R3HDML: variants seen among roughly 807,000 people sequenced by gnomAD.
R3HDML encodes the protein peptidase inhibitor R3HDML.
R3HDML carries 21 observed loss-of-function variants against 24.2 expected under a neutral mutation model. That is an observed-to-expected ratio of 0.87 (90% CI 0.62 to 1.25). R3HDML has a LOEUF of 1.25. Among genes scored for constraint, R3HDML ranks in the 50% most tolerant of loss-of-function variants. R3HDML has a pLI of 0.00. For missense variants in R3HDML, 301 were observed against 340.3 expected (o/e 0.88, Z 0.91); for synonymous variants, 133 against 131.5 (o/e 1.01, Z -0.08).
intron 2 of R3HDML, among the ~76,000 whole-genome samples, chr20:44,341,804 G>A (rs1281356237): frequency 6.6e-6 from 1 of 152,180 alleles, no homozygotes; most frequent in Non-Finnish European, 1.5e-5. Context: ...AGAATCACTT[G>A]AACCTGGGAG....
intron 4 of R3HDML, among the ~76,000 whole-genome samples, chr20:44,349,170 TA>T (rs2062801051): frequency 6.6e-6 from 1 of 150,838 alleles, no homozygotes. Flanking sequence ...TAAAATAAAA[TA>T]AAATAAAATA....
chr20:44,348,040 C>CCA (rs1568678271), intron 4 of R3HDML, among the ~76,000 whole-genome samples: 2 of 149,218 alleles, frequency 1.3e-5, no homozygotes, highest in African/African-American at 5.0e-5. Context: ...TCACAGCTCA[C>CCA]GGCAGCCTCA....
intron 3 of R3HDML, 105 bp from the exon 4 acceptor site, chr20:44,345,158 C>G: frequency 1.2e-6 from 1 of 845,200 alleles, no homozygotes; most frequent in South Asian, 1.4e-5. Flanking sequence ...AACAGGCAGA[C>G]TGTCTCTCCC....
In R3HDML at chr20:44,341,171, A is replaced by G. The variant is rs41280256; in HGVS notation, c.262-25A>G. ...GACGATGGTGGCAATTCCCCTGGGG[A>G]ATTTCATTGCCTTTCTTTCCCCAGG... On this transcript the variant is annotated intron_variant, in intron 1 of 4. Coordinates refer to ENST00000217043, the MANE Select transcript of R3HDML (RefSeq NM_178491.4). The G allele has an allele frequency of 3.0e-3, 4,743 of 1,583,680 alleles. 16 individuals carry two copies. The highest frequency in any genetic ancestry group is 5.4e-3 in the Middle Eastern group (31 of 5,752).
At chr20:44,338,262 A>G (rs1177803639) in intron 1 of R3HDML, among the ~76,000 whole-genome samples, 1 of 152,130 alleles carries the variant, frequency 6.6e-6, no homozygotes, top group Non-Finnish European at 1.5e-5. Flanking sequence ...TAACTTTTTC[A>G]TCGTATCCAT....
Position 44,350,911 on chromosome 20 carries a change from T to A in R3HDML, c.*119T>A. On this transcript the variant is annotated 3_prime_UTR_variant, in exon 5 of 5. Transcript: ENST00000217043. ...GGATATGAGTTAGAATCACCCCCTG[T>A]TGAATTTTCCCTCCTAGATCCCCTT... The A allele has an allele frequency of 8.1e-7, 1 of 1,230,462 alleles. No individual in the cohort carries two copies. Among genetic ancestry groups the A allele is most frequent in the Non-Finnish European group, 1.1e-6 (1 of 876,364 alleles). 76.2% of individuals were successfully genotyped at this position (1,230,462 alleles called of 1,614,324 possible). A position where few individuals can be genotyped will look rare whatever the true frequency, so the allele number is the denominator to read the frequency against.
chr20:44,340,826 A>G (rs554429288), intron 1 of R3HDML, among the ~76,000 whole-genome samples: 1 of 152,162 alleles, frequency 6.6e-6, no homozygotes, highest in Admixed American at 6.6e-5. Context: ...AGAAAAGAAA[A>G]AAAGAAAGAA....
At chr20:44,344,237 C>T (rs1349976750) in intron 3 of R3HDML, among the ~76,000 whole-genome samples, 2 of 151,406 alleles carry the variant, frequency 1.3e-5, no homozygotes, top group African/African-American at 2.4e-5. Context: ...GCCGAGATTG[C>T]ACTACTGCAC....
chr20:44,349,060 G>A (rs2146115885), intron 4 of R3HDML, among the ~76,000 whole-genome samples: 1 of 152,026 alleles, frequency 6.6e-6, no homozygotes, highest in South Asian at 2.1e-4. Flanking sequence ...CCGGGAGGCG[G>A]AGTCTGCAGT....
chr20:44,342,385 T>TGGTC (rs2062774586), intron 2 of R3HDML, among the ~76,000 whole-genome samples: 1 of 152,082 alleles, frequency 6.6e-6, no homozygotes, highest in Non-Finnish European at 1.5e-5. Context: ...GAGCCGTGAA[T>TGGTC]GGTCACTCAG....
chr20:44,346,742 T>G (rs769743424), intron 4 of R3HDML, among the ~76,000 whole-genome samples: 15 of 152,164 alleles, frequency 9.9e-5, no homozygotes, highest in Non-Finnish European at 1.5e-4. Context: ...GTGCTTAGCT[T>G]CTCCAGTTTG....
chr20:44,337,278 A>G lies in R3HDML; in HGVS notation c.121A>G (p.Met41Val), dbSNP rs748846567. The G allele has an allele frequency of 6.3e-5, 101 of 1,614,062 alleles. No homozygotes were observed. The highest frequency in any genetic ancestry group is 1.2e-4 in the Admixed American group (7 of 60,014). Residue 41 changes from methionine (M) to valine (V), a missense_variant, in exon 1 of 5, where the codon ATG becomes GTG. Transcript: ENST00000217043. The surrounding 1 kb of genome is among the most constrained non-coding windows in gnomAD (Gnocchi z 4.7). ...PAPAQPESTA[M>V]RLLSGLEVPR... ...CCCGGCCCAGCCCGAGAGCACGGCT[A>G]TGCGGCTCCTGAGTGGCCTGGAGGT...
intron 4 of R3HDML, 33 bp from the exon 5 acceptor site, chr20:44,350,627 T>G (rs1431256243): frequency 4.4e-6 from 7 of 1,602,784 alleles, no homozygotes; most frequent in Non-Finnish European, 6.0e-6. Context: ...CACCTAATGC[T>G]CCTCTGTCTC....
intron 3 of R3HDML, among the ~76,000 whole-genome samples, chr20:44,344,268 G>T (rs146944918): frequency 6.7e-6 from 1 of 149,100 alleles, no homozygotes; most frequent in Admixed American, 6.7e-5. Context: ...GCAACAGAAC[G>T]AGACTCCGTC....
chr20:44,339,457 T>C (rs936148098), intron 1 of R3HDML, among the ~76,000 whole-genome samples: 4 of 152,106 alleles, frequency 2.6e-5, no homozygotes, highest in African/African-American at 7.2e-5. Flanking sequence ...AATTCATACA[T>C]TGGAAAATTA....
At chr20:44,348,534 GCT>G (rs1258385478) in intron 4 of R3HDML, among the ~76,000 whole-genome samples, 1 of 113,010 alleles carries the variant, frequency 8.8e-6, no homozygotes, top group Non-Finnish European at 2.0e-5. Flanking sequence ...CTTCTGTCCA[GCT>G]CTGTCACCCA....
intron 4 of R3HDML, 50 bp downstream of exon 4, chr20:44,345,428 C>T (rs761817715): frequency 7.8e-7 from 1 of 1,284,156 alleles, no homozygotes; most frequent in Non-Finnish European, 1.1e-6. Context: ...GCGGGTGGGT[C>T]CTGAGAATTC....
chr20:44,343,024 CA>C (rs1239097556), intron 2 of R3HDML, among the ~76,000 whole-genome samples: 12 of 152,318 alleles, frequency 7.9e-5, no homozygotes, highest in Non-Finnish European at 1.8e-4. Context: ...CTGGGTGACA[CA>C]CCAGTATCTG....
Position 44,349,087 on chromosome 20 carries a change from A to G in R3HDML, c.630-1573A>G, listed in dbSNP as rs573298730. Among the ~76,000 whole-genome samples the G allele has an allele frequency of 3.3e-5, 5 of 152,104 alleles. No homozygotes were observed. In the South Asian group the frequency reaches 1.0e-3, roughly 32 times the overall value. On this transcript the variant is annotated intron_variant, in intron 4 of 4. Transcript: ENST00000217043. ...GTCTGCAGTGACCTGAGATCATGCC[A>G]CTGCACTCTAGCCTGGGCGACAATG...
Sources: gnomAD v4.1 joint callset for allele counts (sites outside exome capture counted in the v4.1 genomes callset) on GRCh38, gnomAD v4.1.1 for gene constraint, Gnocchi (gnomAD v3.1) non-coding constraint, MANE v1.5 for transcripts, NCBI Gene and HGNC (gene_info 2026-07-23, HGNC 2026-07-21) for gene names.